KLHL29: variants seen among roughly 807,000 people sequenced by gnomAD.
KLHL29 encodes kelch like family member 29.
Under a neutral mutation model 80.4 loss-of-function variants are expected in KLHL29, and 21 were observed. The ratio of observed to expected loss-of-function variants is 0.26; its 90% confidence interval spans 0.19 to 0.38. The LOEUF (loss-of-function observed/expected upper bound fraction) is 0.38. Among genes scored for constraint, KLHL29 ranks in the 10% least tolerant of loss-of-function variants. KLHL29 has a pLI of 1.00. For synonymous variants in KLHL29, 511 were observed against 526.8 expected, an observed-to-expected ratio of 0.97 and a Z score of 0.41; for missense variants, 867 against 1,223.9, an observed-to-expected ratio of 0.71 and a Z score of 4.35.
In KLHL29 at chr2:23,649,460, T is replaced by C. The variant is rs1478783418; in HGVS notation, c.940+6610T>C. Among the ~76,000 whole-genome samples the C allele has an allele frequency of 2.0e-5, 3 of 152,168 alleles. 1 individual carries two copies. The highest frequency in any genetic ancestry group is 4.4e-5 in the Non-Finnish European group (3 of 68,032). ...GTTTTGTTAACAGATCATTTGACTA[T>C]GAGTGAACCAGGCAAGCGGAAAGAT... On this transcript the variant is annotated intron_variant, in intron 5 of 13. Coordinates refer to ENST00000486442, the MANE Select transcript of KLHL29 (RefSeq NM_052920.2).
chr2:23,398,639 G>A (rs376410750), intron 1 of KLHL29, among the ~76,000 whole-genome samples: 62 of 152,344 alleles, frequency 4.1e-4, no homozygotes, highest in Non-Finnish European at 2.1e-4. Flanking sequence ...CTTCGACATC[G>A]CTGTCGATAG....
At chr2:23,540,234 G>A (rs1205103513) in intron 2 of KLHL29, among the ~76,000 whole-genome samples, 2 of 152,198 alleles carry the variant, frequency 1.3e-5, no homozygotes, top group Non-Finnish European at 2.9e-5. Context: ...CCTCTGCCGG[G>A]GCCGTGGTCC....
Position 23,695,438 on chromosome 2 carries a change from C to T in KLHL29, c.1543-185C>T, listed in dbSNP as rs1487639337. 6.6e-6 allele frequency among the ~76,000 whole-genome samples: 1 copy of T among 152,114 alleles called. No homozygotes were observed. The highest frequency in any genetic ancestry group is 6.5e-5 in the Admixed American group (1 of 15,276). On this transcript the variant is annotated intron_variant, in intron 8 of 13. Transcript: ENST00000486442. The surrounding 1 kb of genome is among the most constrained non-coding windows in gnomAD (Gnocchi z 7.6). ...CCGCACCCCTGCGCTCCCGGCCCTCCCCTCCACACCTCCAGCTGACTAGAC... is the reference window on the plus strand; with the variant it reads ...CCGCACCCCTGCGCTCCCGGCCCTCTCCTCCACACCTCCAGCTGACTAGAC...
chr2:23,577,748 CAA>C (rs374208423), intron 3 of KLHL29, among the ~76,000 whole-genome samples: 19 of 118,236 alleles, frequency 1.6e-4, no homozygotes, highest in African/African-American at 9.4e-5. Flanking sequence ...AACTTCATCT[CAA>C]AAAAAAAAAA....
intron 1 of KLHL29, among the ~76,000 whole-genome samples, chr2:23,435,626 T>C (rs183599667): frequency 1.2e-4 from 19 of 152,362 alleles, no homozygotes; most frequent in Non-Finnish European, 2.4e-4. Flanking sequence ...AGTTTATTCA[T>C]TTAAATGCCC....
intron 1 of KLHL29, among the ~76,000 whole-genome samples, chr2:23,408,005 G>A (rs1221867069): frequency 6.6e-6 from 1 of 151,840 alleles, no homozygotes; most frequent in Non-Finnish European, 1.5e-5. Flanking sequence ...CCACCTCCCG[G>A]TTCAAGTGAT....
At chr2:23,490,902 C>A (rs1337718641) in intron 2 of KLHL29, among the ~76,000 whole-genome samples, 1 of 152,160 alleles carries the variant, frequency 6.6e-6, no homozygotes, top group African/African-American at 2.4e-5. Context: ...GGAGGCTGGG[C>A]TGAACCCTAG....
intron 2 of KLHL29, among the ~76,000 whole-genome samples, chr2:23,531,390 G>A (rs911547701): frequency 2.6e-5 from 4 of 152,136 alleles, no homozygotes; most frequent in Admixed American, 6.5e-5. Context: ...ACAGGCGACC[G>A]TCCCCATCAG....
At chr2:23,472,870 A>G (rs751968906) in intron 1 of KLHL29, among the ~76,000 whole-genome samples, 1 of 152,232 alleles carries the variant, frequency 6.6e-6, no homozygotes, top group Non-Finnish European at 1.5e-5. Flanking sequence ...TCTTGCTTTT[A>G]ACCCTCTCTG....
chr2:23,566,237 C>T (rs547108956), intron 3 of KLHL29, among the ~76,000 whole-genome samples: 2 of 152,338 alleles, frequency 1.3e-5, no homozygotes, highest in South Asian at 2.1e-4. Flanking sequence ...CCCCCAGCCC[C>T]GCAACACACA....
rs114097999 is a variant in KLHL29 at position 23,458,615 on chromosome 2, G to A, written c.-153-16945G>A. ...GTTCTCATAGCTCTACAGCCAGGAT[G>A]GTATGTGGCAACCTCACGTCAAGAA... On this transcript the variant is annotated intron_variant, in intron 1 of 13. Coordinates refer to ENST00000486442, the MANE Select transcript of KLHL29 (RefSeq NM_052920.2). Among the ~76,000 whole-genome samples the A allele has an allele frequency of 3.6e-3, 542 of 152,286 alleles. 4 individuals are homozygous for A. The highest frequency in any genetic ancestry group is 0.013 in the African/African-American group (523 of 41,548).
At chr2:23,481,040 G>C (rs568538938) in intron 2 of KLHL29, among the ~76,000 whole-genome samples, 2 of 152,282 alleles carry the variant, frequency 1.3e-5, no homozygotes, top group South Asian at 2.1e-4. Context: ...CCATGCTCTC[G>C]AAACGGTAAC....
intron 6 of KLHL29, among the ~76,000 whole-genome samples, chr2:23,685,740 TA>T (rs1671226807): frequency 6.6e-6 from 1 of 152,152 alleles, no homozygotes; most frequent in Admixed American, 6.5e-5. Flanking sequence ...GCACAGGGGT[TA>T]GGGGCATGTG....
chr2:23,645,707 C>A (rs1669908765), intron 5 of KLHL29, among the ~76,000 whole-genome samples: 1 of 152,196 alleles, frequency 6.6e-6, no homozygotes. Context: ...CATTAGTGCC[C>A]AGATTTAAAA....
chr2:23,493,157 C>T (rs750537419), intron 2 of KLHL29, among the ~76,000 whole-genome samples: 1 of 152,170 alleles, frequency 6.6e-6, no homozygotes. Flanking sequence ...CTGGCCAGCT[C>T]AGTGTTTGCC....
chr2:23,575,920 G>A (rs766371932), intron 3 of KLHL29, among the ~76,000 whole-genome samples: 1 of 152,192 alleles, frequency 6.6e-6, no homozygotes, highest in Non-Finnish European at 1.5e-5. Flanking sequence ...TGGGGAGCAC[G>A]TTTGTGGTCA....
chr2:23,388,090 AG>A (rs1322034576), intron 1 of KLHL29, among the ~76,000 whole-genome samples: 1 of 152,130 alleles, frequency 6.6e-6, no homozygotes, highest in African/African-American at 2.4e-5. Flanking sequence ...AAATAGATTA[AG>A]GGTTATTGGT....
intron 7 of KLHL29, among the ~76,000 whole-genome samples, chr2:23,692,694 G>A (rs1671697394): frequency 6.6e-6 from 1 of 151,436 alleles, no homozygotes; most frequent in African/African-American, 2.4e-5. Context: ...CCCTGGGAGG[G>A]ACAGTATTGG....
intron 2 of KLHL29, among the ~76,000 whole-genome samples, chr2:23,556,487 CA>C (rs754825728): frequency 1.0e-4 from 15 of 148,434 alleles, no homozygotes; most frequent in Non-Finnish European, 1.6e-4. Context: ...AAAAAAAAAA[CA>C]AAAAAAATAC....
Sources: gnomAD v4.1 joint callset for allele counts (sites outside exome capture counted in the v4.1 genomes callset) on GRCh38, gnomAD v4.1.1 for gene constraint, Gnocchi (gnomAD v3.1) non-coding constraint, MANE v1.5 for transcripts, NCBI Gene and HGNC (gene_info 2026-07-23, HGNC 2026-07-21) for gene names.